The following UNC13C variants were observed in gnomAD, a reference collection of about 807,000 sequenced individuals.
UNC13C encodes protein unc-13 homolog C.
In UNC13C, 174 loss-of-function variants were observed where a neutral mutation model predicts 245.4. The observed-to-expected ratio is 0.71, with a 90% confidence interval of 0.63 to 0.80. The LOEUF is 0.80. Ranked by LOEUF, UNC13C falls within the 30% of genes least tolerant of loss-of-function variation. The pLI is 0.00. For synonymous variants in UNC13C, 992 were observed against 895.1 expected, an observed-to-expected ratio of 1.11 and a Z score of -1.93; for missense variants, 2,829 against 2,602.9, an observed-to-expected ratio of 1.09 and a Z score of -1.89.
the UNC13C span, among the ~76,000 whole-genome samples, chr15:53,881,195 T>C: frequency 6.6e-6 from 1 of 152,112 alleles, no homozygotes; most frequent in African/African-American, 2.4e-5. Flanking sequence ...TTTTGCTCTG[T>C]GAAGGAGGAA....
intron 14 of UNC13C, among the ~76,000 whole-genome samples, chr15:54,323,530 C>A (rs1477131818): frequency 6.6e-6 from 1 of 151,930 alleles, no homozygotes; most frequent in Non-Finnish European, 1.5e-5. Context: ...TAAAAGATGG[C>A]AAGCCAGTTG....
At chr15:54,141,737 T>C (rs1054878913) in intron 2 of UNC13C, among the ~76,000 whole-genome samples, 1 of 150,768 alleles carries the variant, frequency 6.6e-6, no homozygotes, top group Non-Finnish European at 1.5e-5. Context: ...TTATATAGTA[T>C]TTTAAAATAA....
intron 8 of UNC13C, among the ~76,000 whole-genome samples, 191 bp from the exon 9 acceptor site, chr15:54,263,977 A>G (rs2036490061): frequency 6.6e-6 from 1 of 152,128 alleles, no homozygotes; most frequent in Non-Finnish European, 1.5e-5. Flanking sequence ...ACCTGCCAAT[A>G]ACACAAAGGA....
chr15:54,177,269 A>C (rs1191378534), intron 4 of UNC13C, among the ~76,000 whole-genome samples: 2 of 152,170 alleles, frequency 1.3e-5, no homozygotes, highest in Non-Finnish European at 2.9e-5. Context: ...GGTAATAGTT[A>C]CCAGAGGTAC....
chr15:54,011,535 G>C (rs1038320077), intron 1 of UNC13C, among the ~76,000 whole-genome samples: 3 of 152,158 alleles, frequency 2.0e-5, no homozygotes, highest in Non-Finnish European at 4.4e-5. Context: ...TCTTCACAGG[G>C]AGATGTCACA....
Position 54,500,089 on chromosome 15 carries a change from C to A in UNC13C, c.5071C>A (p.Pro1691Thr). 6.2e-7 allele frequency: 1 copy of A among 1,608,364 alleles called. No individual in the cohort carries two copies. Among genetic ancestry groups the A allele is most frequent in the Admixed American group, 1.7e-5 (1 of 58,658 alleles). ...AVPEYSLWFE[P>T]FVMQWLDENE... ...ATTAATTTGTTATAGGTGGTTTGAA[C>A]CTTTTGTCATGCAATGGCTAGATGA... Residue 1691 changes from proline (P) to threonine (T), a missense_variant, in exon 21 of 33, where the codon CCT becomes ACT. By Grantham distance (38) the Pro-to-Thr change is conservative. Coordinates refer to ENST00000260323, the MANE Select transcript of UNC13C (RefSeq NM_001080534.3).
intron 7 of UNC13C, among the ~76,000 whole-genome samples, chr15:54,247,768 T>TC (rs2036034533): frequency 7.2e-6 from 1 of 138,010 alleles, no homozygotes; most frequent in African/African-American, 2.9e-5. Flanking sequence ...GTTTCATGTT[T>TC]TTTTTTTTTA....
chr15:54,463,996 ATAACAGGAATGATGG>A (rs1477083438), intron 19 of UNC13C, among the ~76,000 whole-genome samples: 11 of 152,208 alleles, frequency 7.2e-5, no homozygotes, highest in Non-Finnish European at 1.2e-4. Flanking sequence ...GCAACAAATG[ATAACAGGAATGATGG>A]TGACGATAAA....
the UNC13C span, among the ~76,000 whole-genome samples, chr15:53,875,726 G>A: frequency 5.7e-4 from 87 of 152,274 alleles, no homozygotes; most frequent in African/African-American, 1.9e-3. Flanking sequence ...ATATAATTCT[G>A]CAATAGTTTT....
chr15:53,923,918 C>T, the UNC13C span, among the ~76,000 whole-genome samples: 1 of 152,218 alleles, frequency 6.6e-6, no homozygotes, highest in Non-Finnish European at 1.5e-5. Flanking sequence ...TCAAGAGAGA[C>T]AGCACGGGCT....
intron 21 of UNC13C, 48 bp from the exon 22 acceptor site, chr15:54,500,786 TC>T (rs1567331298): frequency 6.5e-7 from 1 of 1,540,972 alleles, no homozygotes; most frequent in Non-Finnish European, 8.8e-7. Flanking sequence ...ATTTTTCCAT[TC>T]CGCCTCTAAT....
intron 30 of UNC13C, among the ~76,000 whole-genome samples, chr15:54,582,556 G>T (rs968520381): frequency 2.0e-5 from 3 of 152,132 alleles, no homozygotes; most frequent in Admixed American, 2.0e-4. Context: ...TTCAAGGAAA[G>T]CAAAGGCCCA....
chr15:53,907,792 C>T, the UNC13C span, among the ~76,000 whole-genome samples: 2 of 115,504 alleles, frequency 1.7e-5, 1 homozygote, highest in Non-Finnish European at 4.2e-5. Flanking sequence ...TACTATATCT[C>T]TAGTTCCAAG....
At chr15:54,497,584 G>A (rs1252941766) in intron 20 of UNC13C, among the ~76,000 whole-genome samples, 1 of 151,992 alleles carries the variant, frequency 6.6e-6, no homozygotes, top group African/African-American at 2.4e-5. Flanking sequence ...CAAGTAGAAA[G>A]TGGCCACTAA....
chr15:53,848,072 G>A, the UNC13C span, among the ~76,000 whole-genome samples: 9 of 144,588 alleles, frequency 6.2e-5, no homozygotes, highest in African/African-American at 1.5e-4. Context: ...ATTTCATTTC[G>A]GACATCGGTG....
chr15:54,610,318 C>T (rs532122719), intron 30 of UNC13C, among the ~76,000 whole-genome samples: 1 of 152,040 alleles, frequency 6.6e-6, no homozygotes, highest in Non-Finnish European at 1.5e-5. Flanking sequence ...TCACTTCAGC[C>T]TCCGCCTTCC....
intron 30 of UNC13C, among the ~76,000 whole-genome samples, chr15:54,601,063 C>G (rs1034903302): frequency 1.3e-5 from 2 of 150,606 alleles, no homozygotes; most frequent in African/African-American, 2.4e-5. Flanking sequence ...TCAAAGCCAT[C>G]CTGTGCCACA....
chr15:54,540,925 G>A (rs929854064), intron 26 of UNC13C, among the ~76,000 whole-genome samples: 1 of 152,042 alleles, frequency 6.6e-6, no homozygotes, highest in Non-Finnish European at 1.5e-5. Flanking sequence ...TGGCAGAGTT[G>A]TTGTGTCTCC....
intron 17 of UNC13C, among the ~76,000 whole-genome samples, chr15:54,377,169 G>C (rs956738350): frequency 6.6e-6 from 1 of 152,098 alleles, no homozygotes; most frequent in African/African-American, 2.4e-5. Context: ...GGGCTGCTTG[G>C]GCTTCCTCAC....
Sources: allele counts gnomAD v4.1 joint callset (sites outside exome capture counted in the v4.1 genomes callset), GRCh38; gene constraint gnomAD v4.1.1; transcripts MANE v1.5; gene names NCBI Gene and HGNC (gene_info 2026-07-23, HGNC 2026-07-21).